The following MTOR variants were observed in gnomAD, a reference collection of about 807,000 sequenced individuals.
The protein encoded by MTOR is mechanistic target of rapamycin kinase, also known as serine/threonine-protein kinase mTOR.
A neutral mutation model predicts 319.8 loss-of-function variants in MTOR; 70 were observed. The ratio of observed to expected loss-of-function variants is 0.22; its 90% confidence interval spans 0.18 to 0.27. The LOEUF is 0.27. Among genes scored for constraint, MTOR ranks in the 10% least tolerant of loss-of-function variants. MTOR has a pLI of 1.00. For synonymous variants in MTOR, 1,183 were observed against 1,211.4 expected, an observed-to-expected ratio of 0.98 and a Z score of 0.49; for missense variants, 1,890 against 3,274.4, an observed-to-expected ratio of 0.58 and a Z score of 10.32.
At chr1:11,131,274 A>T (rs1490353912) in intron 38 of MTOR, 1 of 169,436 alleles carries the variant, frequency 5.9e-6, no homozygotes, top group Non-Finnish European at 1.3e-5. Flanking sequence ...AGATTGGTTC[A>T]CGGGAAACAA....
At chr1:11,226,725 T>C (rs1488231371) in intron 19 of MTOR, among the ~76,000 whole-genome samples, 1 of 151,802 alleles carries the variant, frequency 6.6e-6, no homozygotes, top group Non-Finnish European at 1.5e-5. Context: ...AGTGAGCCCA[T>C]ATCACCTATT....
chr1:11,209,485 C>T (rs759841677), intron 24 of MTOR, 27 bp from the exon 25 acceptor site: 4 of 1,613,256 alleles, frequency 2.5e-6, no homozygotes, highest in Non-Finnish European at 2.5e-6. Context: ...ATAGGAAACA[C>T]CTATAACTCT....
At chr1:11,176,293 C>T (rs1427384900) in intron 28 of MTOR, among the ~76,000 whole-genome samples, 2 of 152,158 alleles carry the variant, frequency 1.3e-5, no homozygotes, top group Non-Finnish European at 2.9e-5. Context: ...TTGGTTATCG[C>T]CCTCATCCCT....
intron 30 of MTOR, among the ~76,000 whole-genome samples, chr1:11,154,068 CAAAAAAAAAAAAAAAAAAAAAAA>C (rs70977548): frequency 2.3e-4 from 3 of 13,054 alleles, no homozygotes; most frequent in Admixed American, 1.5e-3. Context: ...GACTCTGTCT[CAAAAAAAAAAAAAAAAAAAAAAA>C]AAAAAAAAAA....
At position 11,259,298 on chromosome 1, in the gene MTOR, C is replaced by A. The variant is rs138117203; in HGVS notation, c.112G>T (p.Ala38Ser). The A allele has an allele frequency of 1.2e-6, 2 of 1,613,940 alleles. No homozygotes were observed. The highest frequency in any genetic ancestry group is 4.5e-5 in the East Asian group (2 of 44,838). Residue 38 changes from alanine (A) to serine (S), a missense_variant, in exon 2 of 58, where the codon GCC becomes TCC. By Grantham distance (99) the Ala-to-Ser change is moderately conservative. Transcript: ENST00000361445. ...GLKSRNEETRAKAAKELQHYV... is the reference protein window; with the variant it reads ...GLKSRNEETRSKAAKELQHYV... ...TGCTGGAGCTCCTTGGCGGCTTTGG[C>A]CCTGGTTTCCTCATTCCGGCTCTTT...
rs751946051 is a variant in MTOR, at chr1:11,127,817, GAGA to G, written c.6034-14_6034-12del. On this transcript the variant is annotated splice_polypyrimidine_tract_variant and intron_variant, in intron 43 of 57. Coordinates refer to ENST00000361445, the MANE Select transcript of MTOR (RefSeq NM_004958.4). This position sits in a 1 kb window ranked among gnomAD's most constrained non-coding sequence, Gnocchi z 5.5. ...CAGCTCCTCGCTCACCTGAAGCCAAGAGAAGAAGGAGAGAAGCATCAAGAATCA... is the reference window on the plus strand; with the variant it reads ...CAGCTCCTCGCTCACCTGAAGCCAAGAGAAGGAGAGAAGCATCAAGAATCA... The G allele has an allele frequency of 3.1e-5, 50 of 1,607,724 alleles. No individual in the cohort carries two copies. The South Asian group carries it at 3.7e-4, about 12-fold the overall frequency.
Position 11,253,826 on chromosome 1 carries a change from C to T in MTOR, c.840+13G>A, listed in dbSNP as rs775841712. On this transcript the variant is annotated intron_variant, in intron 6 of 57. Coordinates refer to ENST00000361445, the MANE Select transcript of MTOR (RefSeq NM_004958.4). ...ACGGGGAGCCTGGACTCCCCTCTGCCGTGGCTTCTCACCTCTCCCTCCATG... is the reference window on the plus strand; with the variant it reads ...ACGGGGAGCCTGGACTCCCCTCTGCTGTGGCTTCTCACCTCTCCCTCCATG... The T allele has an allele frequency of 6.2e-6, 10 of 1,613,922 alleles. No homozygotes were observed. The highest frequency in any genetic ancestry group is 5.9e-6 in the Non-Finnish European group (7 of 1,179,928).
intron 28 of MTOR, among the ~76,000 whole-genome samples, chr1:11,186,860 G>A (rs930594593): frequency 6.6e-6 from 1 of 152,128 alleles, no homozygotes; most frequent in Non-Finnish European, 1.5e-5. Flanking sequence ...CTGGAGGGGG[G>A]GTGAGTATTG....
intron 30 of MTOR, among the ~76,000 whole-genome samples, chr1:11,153,504 T>G (rs1238090426): frequency 6.6e-6 from 1 of 152,240 alleles, no homozygotes; most frequent in African/African-American, 2.4e-5. Flanking sequence ...TAAGAACACT[T>G]CCATCTCGTT....
At chr1:11,203,335 C>T (rs959789732) in intron 26 of MTOR, among the ~76,000 whole-genome samples, 5 of 152,166 alleles carry the variant, frequency 3.3e-5, no homozygotes, top group Admixed American at 6.5e-5. Flanking sequence ...ATGAATGTAT[C>T]GAAATATCAC....
intron 28 of MTOR, among the ~76,000 whole-genome samples, chr1:11,188,586 A>T (rs1031099950): frequency 2.0e-5 from 3 of 152,228 alleles, no homozygotes; most frequent in Non-Finnish European, 4.4e-5. Flanking sequence ...AATCCCAGAC[A>T]TGCTTGGCAC....
chr1:11,212,626 T>A lies in MTOR; in HGVS notation c.3399-152A>T, dbSNP rs546297741. ...GACATGGATCCAACATTTATTCCAA[T>A]GGGATAGGGACAGTTAAGATTTCCA... On this transcript the variant is annotated intron_variant, in intron 22 of 57. Transcript: ENST00000361445. The surrounding 1 kb of genome is among the most constrained non-coding windows in gnomAD (Gnocchi z 4.1). The A allele has an allele frequency of 1.3e-5, 15 of 1,121,946 alleles. No individual in the cohort carries two copies. In the East Asian group the frequency reaches 3.5e-4, roughly 26 times the overall value. 69.5% of individuals were successfully genotyped at this position (1,121,946 alleles called of 1,614,324 possible).
chr1:11,232,894 AT>A lies in MTOR; in HGVS notation c.2422-367del, dbSNP rs568297202. The A allele has an allele frequency of 4.0e-3, 2,301 of 573,274 alleles. 65 individuals carry two copies. Among genetic ancestry groups the A allele is most frequent in the African/African-American group, 0.039 (2,050 of 52,058 alleles). 35.5% of individuals were successfully genotyped at this position (573,274 alleles called of 1,614,324 possible). ...CAAAAACAAATAAATAAAATAAAAA[AT>A]TTTTTTTAAAAAAGCCCTCTCTTCC... On this transcript the variant is annotated intron_variant, in intron 15 of 57. Coordinates refer to ENST00000361445, the MANE Select transcript of MTOR (RefSeq NM_004958.4).
chr1:11,254,947 T>A (rs1167490965), intron 5 of MTOR, among the ~76,000 whole-genome samples: 1 of 151,916 alleles, frequency 6.6e-6, no homozygotes, highest in African/African-American at 2.4e-5. Flanking sequence ...TTATTTTTTG[T>A]AGAGACGGGA....
chr1:11,113,921 C>T (rs189064485), intron 53 of MTOR, among the ~76,000 whole-genome samples: 364 of 152,274 alleles, frequency 2.4e-3, no homozygotes, highest in Non-Finnish European at 3.9e-3. Flanking sequence ...GTGATAGTGA[C>T]TGAGTTCTCA....
Position 11,124,565 on chromosome 1 carries a change from T to G in MTOR, c.6595A>C (p.Met2199Leu), listed in dbSNP as rs1307930527. The G allele has an allele frequency of 6.2e-7, 1 of 1,613,088 alleles. No homozygotes were observed. Among genetic ancestry groups the G allele is most frequent in the Non-Finnish European group, 8.5e-7 (1 of 1,179,180 alleles). ...GTGTTAACCAGGCCGAAGAGCTGCA[T>G]CACACGCTCATCCTGGCGCAGATCT... is the stretch of plus-strand genomic sequence containing the variant. ...HEDLRQDERV[M>L]QLFGLVNTLL... is the part of the protein sequence containing the mutation. Residue 2199 changes from methionine (M) to leucine (L), a missense_variant, in exon 47 of 58, where the codon ATG becomes CTG. Physicochemically the swap from Met to Leu is conservative, Grantham distance 15. Around this residue, in one of 15 missense-constraint regions of MTOR, gnomAD observed 249 missense variants for 596.2 expected, o/e 0.42. Coordinates refer to ENST00000361445, the MANE Select transcript of MTOR (RefSeq NM_004958.4).
chr1:11,250,143 C>CAGTGAG (rs1649443872), intron 6 of MTOR, among the ~76,000 whole-genome samples: 1 of 145,408 alleles, frequency 6.9e-6, no homozygotes, highest in Non-Finnish European at 1.5e-5. Context: ...CGCCCCTCAC[C>CAGTGAG]TCCCGGACAG....
intron 24 of MTOR, among the ~76,000 whole-genome samples, chr1:11,209,925 T>C (rs1029291610): frequency 3.3e-5 from 5 of 152,290 alleles, no homozygotes; most frequent in African/African-American, 9.6e-5. Context: ...TGGAGTGCAG[T>C]AGCGCAATCT....
Position 11,220,570 on chromosome 1 carries a change from G to C in MTOR, c.3031-4336C>G, listed in dbSNP as rs75744669. Reference sequence around the variant, plus strand: ...GGTGATGAGACATGAAATATGTGTGGATGAATATAAACAAACACGACATAA... The same window carrying C: ...GGTGATGAGACATGAAATATGTGTGCATGAATATAAACAAACACGACATAA... On this transcript the variant is annotated intron_variant, in intron 19 of 57. Coordinates refer to ENST00000361445, the MANE Select transcript of MTOR (RefSeq NM_004958.4). Among the ~76,000 whole-genome samples, 94 of 152,194 alleles carry C rather than the reference G, an allele frequency of 6.2e-4. 2 individuals carry two copies. The East Asian group carries it at 0.017, about 28-fold the overall frequency.
Sources: gnomAD v4.1 joint callset for allele counts (sites outside exome capture counted in the v4.1 genomes callset) on GRCh38, gnomAD v4.1.1 for gene constraint, gnomAD v4.1.1 regional missense constraint, Gnocchi (gnomAD v3.1) non-coding constraint, MANE v1.5 for transcripts, NCBI Gene and HGNC (gene_info 2026-07-23, HGNC 2026-07-21) for gene names.